SPAG16: variants seen among roughly 807,000 people sequenced by gnomAD.
SPAG16 encodes sperm-associated antigen 16 protein.
In SPAG16, 86 loss-of-function variants were observed where a neutral mutation model predicts 80.4. The observed-to-expected ratio is 1.07, with a 90% confidence interval of 0.90 to 1.28. The LOEUF is 1.28. Ranked by LOEUF, SPAG16 falls within the 50% of genes most tolerant of loss-of-function variation. SPAG16 has a pLI of 0.00. For synonymous variants in SPAG16, 294 were observed against 265.9 expected, an observed-to-expected ratio of 1.11 and a Z score of -1.03; for missense variants, 870 against 765.3, an observed-to-expected ratio of 1.14 and a Z score of -1.61.
At chr2:214,311,783 T>G (rs1483954244) in intron 15 of SPAG16, 2 of 152,186 alleles carry the variant, frequency 1.3e-5, no homozygotes, top group African/African-American at 4.8e-5. Flanking sequence ...AAAAAACTAA[T>G]TTACTTTCTA....
intron 15 of SPAG16, among the ~76,000 whole-genome samples, chr2:214,408,647 T>C (rs143814918): frequency 4.2e-4 from 64 of 152,342 alleles, no homozygotes; most frequent in African/African-American, 1.5e-3. Context: ...TTTATGGTGA[T>C]ATAATTCTAG....
intron 13 of SPAG16, among the ~76,000 whole-genome samples, chr2:214,099,370 T>C (rs1445954471): frequency 8.5e-5 from 13 of 152,134 alleles, no homozygotes; most frequent in Admixed American, 8.5e-4. Flanking sequence ...TAAATGGAGA[T>C]TTAAAATATT....
intron 10 of SPAG16, among the ~76,000 whole-genome samples, chr2:213,579,126 T>C (rs1248477923): frequency 6.6e-6 from 1 of 152,158 alleles, no homozygotes. Flanking sequence ...TACTTTCTTC[T>C]ACAATATCCC....
chr2:214,277,107 G>A (rs536995949), intron 15 of SPAG16, among the ~76,000 whole-genome samples: 22 of 152,140 alleles, frequency 1.4e-4, no homozygotes, highest in African/African-American at 4.8e-4. Flanking sequence ...CATGTGTCAC[G>A]TAGTTCTCAT....
chr2:214,213,782 A>G (rs1447252975), intron 15 of SPAG16, among the ~76,000 whole-genome samples: 1 of 152,194 alleles, frequency 6.6e-6, no homozygotes. Flanking sequence ...TGGGTATACT[A>G]CTATCTCCTC....
chr2:214,168,355 A>C (rs1576400867), intron 15 of SPAG16, among the ~76,000 whole-genome samples: 1 of 152,004 alleles, frequency 6.6e-6, no homozygotes, highest in African/African-American at 2.4e-5. Flanking sequence ...AAAATAGTGC[A>C]TGTTGTTTTT....
intron 10 of SPAG16, among the ~76,000 whole-genome samples, chr2:213,504,819 C>T (rs559713495): frequency 3.4e-4 from 52 of 152,100 alleles, no homozygotes; most frequent in Non-Finnish European, 6.6e-4. Context: ...GCTAAATGTC[C>T]CTGTGGAGAT....
At position 214,309,698 on chromosome 2, in the gene SPAG16, A is replaced by G. The variant is rs576293622; in HGVS notation, c.1721-100442A>G. 7.2e-5 allele frequency among the ~76,000 whole-genome samples: 11 copies of G among 152,256 alleles called. No homozygotes were observed. The South Asian group carries it at 8.3e-4, about 11-fold the overall frequency. On this transcript the variant is annotated intron_variant, in intron 15 of 15. Coordinates refer to ENST00000331683, the MANE Select transcript of SPAG16 (RefSeq NM_024532.5). ...GCTCTCAACCTTTGGACTGTGTACTATAATTCTGGGGGACTTCTATTGGGC... is the reference window on the plus strand; with the variant it reads ...GCTCTCAACCTTTGGACTGTGTACTGTAATTCTGGGGGACTTCTATTGGGC...
At chr2:214,309,790 G>T (rs941958956) in intron 15 of SPAG16, among the ~76,000 whole-genome samples, 2 of 152,116 alleles carry the variant, frequency 1.3e-5, no homozygotes, top group Non-Finnish European at 2.9e-5. Context: ...ACCAAAGTGT[G>T]GCAGCTGCAG....
chr2:213,340,032 T>C lies in SPAG16; in HGVS notation c.537-131T>C, dbSNP rs1047871788. On this transcript the variant is annotated intron_variant, in intron 5 of 15. Transcript: ENST00000331683. ...AATTATGTTTGATGAGAATCTTCGA[T>C]GAGAATTATAGCAAAATATTTGTTT... 3 of 632,892 alleles carry C rather than the reference T, an allele frequency of 4.7e-6. No homozygotes were observed. In the African/African-American group the frequency reaches 5.6e-5, roughly 12 times the overall value. The allele number at this position is 632,892 out of a possible 1,614,324, so 39.2% of individuals were successfully genotyped here.
intron 15 of SPAG16, among the ~76,000 whole-genome samples, chr2:214,381,141 A>C (rs1308190802): frequency 1.3e-5 from 2 of 152,246 alleles, no homozygotes; most frequent in Non-Finnish European, 2.9e-5. Context: ...ATTGATTAGC[A>C]TGATTTTAAA....
intron 10 of SPAG16, among the ~76,000 whole-genome samples, chr2:213,621,870 A>C (rs2061799586): frequency 6.6e-6 from 1 of 152,152 alleles, no homozygotes; most frequent in African/African-American, 2.4e-5. Context: ...CCCAAACCCT[A>C]ACCTTCTGAT....
chr2:213,817,199 T>C (rs948582402), intron 10 of SPAG16, among the ~76,000 whole-genome samples: 2 of 146,792 alleles, frequency 1.4e-5, no homozygotes, highest in Non-Finnish European at 3.0e-5. Flanking sequence ...ACTTACTACT[T>C]TGTACAAAGC....
Position 214,149,090 on chromosome 2 carries a change from T to TATATATAC in SPAG16, c.1594-46_1594-39dup, listed in dbSNP as rs1553515480. 625 of 616,832 alleles carry TATATATAC rather than the reference T, an allele frequency of 1.0e-3. 5 individuals are homozygous for TATATATAC. The African/African-American group carries it at 0.011, about 11-fold the overall frequency. 38.2% of individuals were successfully genotyped at this position (616,832 alleles called of 1,614,324 possible). ...GTGTGTGTGTGTGTATATATATATA[T>TATATATAC]ATATATACATACATACACATTTTAT... On this transcript the variant is annotated intron_variant, in intron 14 of 15. Coordinates refer to ENST00000331683, the MANE Select transcript of SPAG16 (RefSeq NM_024532.5).
chr2:213,957,960 G>A (rs1311911491), intron 12 of SPAG16, among the ~76,000 whole-genome samples: 1 of 152,192 alleles, frequency 6.6e-6, no homozygotes, highest in African/African-American at 2.4e-5. Context: ...GAGATTGCCA[G>A]TAAGGAAAGA....
At chr2:214,346,020 C>T (rs541398514) in intron 15 of SPAG16, among the ~76,000 whole-genome samples, 1 of 152,276 alleles carries the variant, frequency 6.6e-6, no homozygotes, top group South Asian at 2.1e-4. Context: ...TGTGAACATT[C>T]ACAAACATGT....
intron 12 of SPAG16, among the ~76,000 whole-genome samples, chr2:213,978,074 T>C (rs1271517545): frequency 6.6e-6 from 1 of 151,980 alleles, no homozygotes; most frequent in African/African-American, 2.4e-5. Flanking sequence ...GACACCCCTT[T>C]TAACTTTTCT....
chr2:214,274,423 CTG>C (rs1443389650), intron 15 of SPAG16, among the ~76,000 whole-genome samples: 2 of 152,158 alleles, frequency 1.3e-5, no homozygotes, highest in Admixed American at 1.3e-4. Context: ...ATGATATTGG[CTG>C]TGAGTTTGTC....
At chr2:213,365,881 G>A (rs369144584) in intron 8 of SPAG16, among the ~76,000 whole-genome samples, 17 of 151,674 alleles carry the variant, frequency 1.1e-4, no homozygotes, top group African/African-American at 3.4e-4. Flanking sequence ...GGTGGCTCAC[G>A]CCTGTAATCC....
Sources: allele counts gnomAD v4.1 joint callset (sites outside exome capture counted in the v4.1 genomes callset), GRCh38; gene constraint gnomAD v4.1.1; transcripts MANE v1.5; gene names NCBI Gene and HGNC (gene_info 2026-07-23, HGNC 2026-07-21).